The following GPHN variants were observed in gnomAD, a reference collection of about 807,000 sequenced individuals.
The protein encoded by GPHN is gephyrin.
A neutral mutation model predicts 95.5 loss-of-function variants in GPHN; 17 were observed. The observed-to-expected ratio is 0.18, with a 90% CI of 0.12 to 0.27. GPHN has a LOEUF of 0.27. GPHN is among the 10% of genes least tolerant of loss of function. The pLI is 1.00. For synonymous variants in GPHN, 320 were observed against 322.5 expected (o/e 0.99, Z 0.08); for missense variants, 660 against 978.1 (o/e 0.67, Z 4.34).
At chr14:67,564,554 C>A in the GPHN span, among the ~76,000 whole-genome samples, 19 of 152,178 alleles carry the variant, frequency 1.2e-4, no homozygotes, top group African/African-American at 4.6e-4. Context: ...GCCTCCTGGG[C>A]TCAAGCAATC....
chr14:67,222,449 G>A, the GPHN span, among the ~76,000 whole-genome samples: 6 of 152,040 alleles, frequency 3.9e-5, no homozygotes, highest in African/African-American at 7.2e-5. Context: ...TTGCCACCAC[G>A]CCTAACTAAA....
intron 1 of GPHN, among the ~76,000 whole-genome samples, chr14:66,660,102 A>G (rs898375115): frequency 1.9e-3 from 286 of 151,112 alleles, no homozygotes; most frequent in African/African-American, 6.7e-3. Context: ...ACTCTAGTGT[A>G]TGTGTGTGTG....
At chr14:66,561,081 A>C (rs937282148) in intron 1 of GPHN, among the ~76,000 whole-genome samples, 3 of 152,302 alleles carry the variant, frequency 2.0e-5, no homozygotes, top group Middle Eastern at 3.4e-3. Context: ...CTTGCATCCC[A>C]GGGATGAAGC....
At chr14:66,932,458 T>TGTTTG (rs1330572019) in intron 8 of GPHN, among the ~76,000 whole-genome samples, 5 of 123,616 alleles carry the variant, frequency 4.0e-5, no homozygotes, top group Non-Finnish European at 8.4e-5. Context: ...TTTTTTTTTT[T>TGTTTG]TTTTTTTTTT....
intron 3 of GPHN, among the ~76,000 whole-genome samples, chr14:66,812,591 A>G (rs1463118562): frequency 6.6e-6 from 1 of 152,228 alleles, no homozygotes; most frequent in Non-Finnish European, 1.5e-5. Flanking sequence ...AAAAATAGAA[A>G]CTATTGAACC....
At chr14:67,310,775 A>C in the GPHN span, among the ~76,000 whole-genome samples, 2 of 152,212 alleles carry the variant, frequency 1.3e-5, no homozygotes, top group South Asian at 4.1e-4. Flanking sequence ...TATTCTTTGA[A>C]ATTAAAAAAT....
At chr14:67,431,408 A>C in the GPHN span, among the ~76,000 whole-genome samples, 2 of 150,346 alleles carry the variant, frequency 1.3e-5, no homozygotes, top group African/African-American at 2.4e-5. Context: ...AAAAAAAAAA[A>C]AAAAAAAAAA....
intron 9 of GPHN, among the ~76,000 whole-genome samples, chr14:67,004,582 A>G (rs755392962): frequency 4.0e-5 from 6 of 151,726 alleles, no homozygotes; most frequent in Non-Finnish European, 8.9e-5. Flanking sequence ...GTCTTTACTA[A>G]TCGGGTGAAA....
At chr14:67,307,359 T>TC in the GPHN span, among the ~76,000 whole-genome samples, 1 of 152,222 alleles carries the variant, frequency 6.6e-6, no homozygotes, top group African/African-American at 2.4e-5. Flanking sequence ...TGGGACTTTT[T>TC]CATTTAGTCT....
At chr14:66,582,422 T>A (rs1566641774) in intron 1 of GPHN, among the ~76,000 whole-genome samples, 2 of 152,136 alleles carry the variant, frequency 1.3e-5, no homozygotes, top group African/African-American at 4.8e-5. Context: ...TTAGGGTACA[T>A]GTGCACAATG....
intron 12 of GPHN, among the ~76,000 whole-genome samples, chr14:67,090,000 TTAAC>T (rs1177830788): frequency 6.6e-6 from 1 of 152,140 alleles, no homozygotes; most frequent in Non-Finnish European, 1.5e-5. Context: ...GTTGAGCTAA[TTAAC>T]ACATGCATTA....
intron 18 of GPHN, among the ~76,000 whole-genome samples, chr14:67,149,781 CAAAG>C (rs2081140182): frequency 6.6e-6 from 1 of 152,124 alleles, no homozygotes; most frequent in African/African-American, 2.4e-5. Context: ...CTCATAAACA[CAAAG>C]AACACAACTT....
intron 9 of GPHN, among the ~76,000 whole-genome samples, chr14:66,970,934 A>T (rs992947137): frequency 6.6e-6 from 1 of 152,204 alleles, no homozygotes; most frequent in Non-Finnish European, 1.5e-5. Context: ...TAGATCCAGC[A>T]TTTCTCAAAC....
chr14:67,047,366 G>GTTTGT (rs1555473160), intron 10 of GPHN, among the ~76,000 whole-genome samples: 1 of 108,762 alleles, frequency 9.2e-6, no homozygotes, highest in African/African-American at 3.3e-5. Context: ...GTGTGTGTTT[G>GTTTGT]TTTTTTTTTT....
At chr14:67,691,208 C>T in the GPHN span, 4 of 1,613,918 alleles carry the variant, frequency 2.5e-6, no homozygotes, top group African/African-American at 5.3e-5. Context: ...CATCATCACT[C>T]CTGCATTGTT....
intron 8 of GPHN, among the ~76,000 whole-genome samples, chr14:66,938,036 T>C (rs72730418): frequency 0.044 from 6,640 of 152,286 alleles, 189 homozygotes; most frequent in Middle Eastern, 0.068. Flanking sequence ...ATTGTCACCA[T>C]TGGCTTCAGG....
At chr14:66,704,986 A>G (rs952461042) in intron 2 of GPHN, among the ~76,000 whole-genome samples, 6 of 94,860 alleles carry the variant, frequency 6.3e-5, no homozygotes, top group African/African-American at 2.6e-4. Flanking sequence ...AGGGGATATC[A>G]CCACTGATCC....
At chr14:67,600,390 CT>C in the GPHN span, 1 of 545,632 alleles carries the variant, frequency 1.8e-6, no homozygotes, top group Non-Finnish European at 3.2e-6. Context: ...CCGGGCCGGC[CT>C]TGACTGTCTT....
chr14:67,591,037 G>C, the GPHN span, among the ~76,000 whole-genome samples: 2 of 151,934 alleles, frequency 1.3e-5, no homozygotes, highest in African/African-American at 4.8e-5. Flanking sequence ...ATATGTGAAA[G>C]TATATTTAAT....
Sources: gnomAD v4.1 joint callset for allele counts (sites outside exome capture counted in the v4.1 genomes callset) on GRCh38, gnomAD v4.1.1 for gene constraint, MANE v1.5 for transcripts, NCBI Gene and HGNC (gene_info 2026-07-23, HGNC 2026-07-21) for gene names.